Variants in LRMDA observed in about 807,000 individuals in gnomAD.
LRMDA encodes leucine-rich melanocyte differentiation-associated protein.
In LRMDA, 18 loss-of-function variants were observed where a neutral mutation model predicts 29.8. The ratio of observed to expected loss-of-function variants is 0.60; its 90% CI spans 0.42 to 0.90. The LOEUF (loss-of-function observed/expected upper bound fraction) is 0.90, where lower values mean the gene tolerates loss of function less well. Among genes scored for constraint, LRMDA ranks in the 40% least tolerant of loss-of-function variants. The pLI is 0.00. For synonymous variants in LRMDA, 125 were observed against 109.4 expected (o/e 1.14, Z -0.89); for missense variants, 273 against 273.9 (o/e 1.00, Z 0.02).
intron 6 of LRMDA, among the ~76,000 whole-genome samples, chr10:76,370,008 C>A (rs1841434438): frequency 6.6e-6 from 1 of 152,054 alleles, no homozygotes; most frequent in African/African-American, 2.4e-5. Context: ...GGAGCCAAGA[C>A]TGTACCTATA....
chr10:76,045,347 C>T (rs574117396), intron 3 of LRMDA, among the ~76,000 whole-genome samples: 1 of 141,082 alleles, frequency 7.1e-6, no homozygotes, highest in Admixed American at 7.1e-5. Context: ...TTAGTTTCCT[C>T]CTCTTGCTAG....
At chr10:75,508,181 T>A (rs1845189190) in intron 2 of LRMDA, among the ~76,000 whole-genome samples, 1 of 152,182 alleles carries the variant, frequency 6.6e-6, no homozygotes, top group Non-Finnish European at 1.5e-5. Flanking sequence ...TTATTAGCAT[T>A]CCTACCCCAC....
chr10:76,517,108 G>C (rs998740177), intron 6 of LRMDA, among the ~76,000 whole-genome samples: 2 of 152,054 alleles, frequency 1.3e-5, no homozygotes, highest in African/African-American at 4.8e-5. Context: ...TGATATAGAG[G>C]CTTGAATGAG....
intron 2 of LRMDA, among the ~76,000 whole-genome samples, chr10:75,846,784 T>C (rs553921227): frequency 1.3e-4 from 20 of 152,154 alleles, no homozygotes; most frequent in African/African-American, 4.8e-4. Flanking sequence ...TCAAAAAGAA[T>C]ACTTAGGAAT....
intron 2 of LRMDA, among the ~76,000 whole-genome samples, chr10:75,758,888 A>G (rs933444582): frequency 1.4e-4 from 21 of 151,826 alleles, no homozygotes; most frequent in South Asian, 8.3e-4. Context: ...TGAGGACTCT[A>G]TTGAATTAAG....
At chr10:76,520,323 A>G (rs1346127958) in intron 6 of LRMDA, among the ~76,000 whole-genome samples, 1 of 151,688 alleles carries the variant, frequency 6.6e-6, no homozygotes, top group Non-Finnish European at 1.5e-5. Context: ...TGAGATCATG[A>G]TAATTCTTAT....
intron 6 of LRMDA, among the ~76,000 whole-genome samples, chr10:76,522,951 C>A (rs1177051917): frequency 6.6e-6 from 1 of 152,070 alleles, no homozygotes; most frequent in East Asian, 1.9e-4. Flanking sequence ...GACACTGTTA[C>A]CAAAAGTTAC....
At chr10:75,959,003 T>C (rs952286770) in intron 2 of LRMDA, among the ~76,000 whole-genome samples, 4 of 152,094 alleles carry the variant, frequency 2.6e-5, no homozygotes, top group African/African-American at 9.7e-5. Context: ...TTTAATTATC[T>C]CCCACCGGGT....
At chr10:75,563,726 G>C (rs1420974539) in intron 2 of LRMDA, among the ~76,000 whole-genome samples, 1 of 152,054 alleles carries the variant, frequency 6.6e-6, no homozygotes, top group Non-Finnish European at 1.5e-5. Flanking sequence ...TGTCCTTTCT[G>C]TTTGTTAGTT....
At chr10:76,068,310 A>G (rs1848818886) in intron 5 of LRMDA, among the ~76,000 whole-genome samples, 1 of 152,216 alleles carries the variant, frequency 6.6e-6, no homozygotes, top group South Asian at 2.1e-4. Context: ...TGTTGTTCCC[A>G]AAAGCAAAGT....
At chr10:75,916,064 G>A (rs1243104774) in intron 2 of LRMDA, among the ~76,000 whole-genome samples, 1 of 152,176 alleles carries the variant, frequency 6.6e-6, no homozygotes. Flanking sequence ...GACTTGTCTA[G>A]AGGTTGGAAG....
intron 5 of LRMDA, among the ~76,000 whole-genome samples, chr10:76,181,854 C>T (rs1215905024): frequency 6.6e-6 from 1 of 152,170 alleles, no homozygotes; most frequent in African/African-American, 2.4e-5. Context: ...AAATTGAGAA[C>T]ATAATTTAGC....
intron 6 of LRMDA, among the ~76,000 whole-genome samples, chr10:76,400,162 G>A (rs975276989): frequency 2.0e-5 from 3 of 152,204 alleles, no homozygotes; most frequent in Non-Finnish European, 2.9e-5. Context: ...AGGCCCACAC[G>A]GCAGCAGCAG....
intron 6 of LRMDA, among the ~76,000 whole-genome samples, chr10:76,506,601 A>C (rs1420325132): frequency 6.6e-6 from 1 of 152,022 alleles, no homozygotes; most frequent in East Asian, 1.9e-4. Flanking sequence ...TGTAGCTATC[A>C]ACCAACTTTT....
At chr10:75,831,318 A>T (rs969588381) in intron 2 of LRMDA, among the ~76,000 whole-genome samples, 2 of 152,256 alleles carry the variant, frequency 1.3e-5, no homozygotes, top group South Asian at 2.1e-4. Context: ...AAGTGCTGGG[A>T]TTACAAGCGT....
At chr10:75,554,648 A>G (rs375173207) in intron 2 of LRMDA, among the ~76,000 whole-genome samples, 1 of 152,336 alleles carries the variant, frequency 6.6e-6, no homozygotes, top group South Asian at 2.1e-4. Context: ...GAACTTGCCA[A>G]TGTTTAAAGA....
Position 76,471,843 on chromosome 10 carries a change from G to A in LRMDA, c.602-85366G>A, listed in dbSNP as rs143955730. ...AGAGTAAAAGAGGACATTTTGTGAT[G>A]ATAAAAGTGTCAATTTGTCAGGTAT... is the stretch of plus-strand genomic sequence containing the variant. On this transcript the variant is annotated intron_variant, in intron 6 of 6. Transcript: ENST00000611255. 6.7e-3 allele frequency among the ~76,000 whole-genome samples: 1,021 copies of A among 151,802 alleles called. 10 individuals carry two copies. The highest frequency in any genetic ancestry group is 0.017 in the Middle Eastern group (5 of 294).
chr10:76,222,844 T>C (rs1174931635), intron 5 of LRMDA, among the ~76,000 whole-genome samples: 1 of 151,996 alleles, frequency 6.6e-6, no homozygotes, highest in Admixed American at 6.6e-5. Context: ...CTATTCACAA[T>C]AGCAAAGACT....
intron 2 of LRMDA, among the ~76,000 whole-genome samples, chr10:75,498,272 G>A (rs764368648): frequency 3.9e-5 from 6 of 152,200 alleles, no homozygotes; most frequent in Admixed American, 2.0e-4. Flanking sequence ...ACTTTCTGCA[G>A]CTTTTTTTTC....
Sources: allele counts gnomAD v4.1 joint callset (sites outside exome capture counted in the v4.1 genomes callset), GRCh38; gene constraint gnomAD v4.1.1; transcripts MANE v1.5; gene names NCBI Gene and HGNC (gene_info 2026-07-23, HGNC 2026-07-21).